Variants in VPS13D observed in about 807,000 individuals in gnomAD.
The protein encoded by VPS13D is vacuolar protein sorting 13 homolog D.
VPS13D carries 187 observed loss-of-function variants against 461.9 expected under a neutral mutation model. That is an observed-to-expected ratio of 0.40 (90% confidence interval 0.36 to 0.46). VPS13D has a LOEUF of 0.46. Among genes scored for constraint, VPS13D ranks in the 20% least tolerant of loss-of-function variants. The probability of loss-of-function intolerance (pLI) is 0.60; values close to 1 mark genes in which losing one functional copy is unlikely to be tolerated. For missense variants in VPS13D, 4,711 were observed against 5,364.9 expected, an observed-to-expected ratio of 0.88 and a Z score of 3.81; for synonymous variants, 1,951 against 1,986.3, an observed-to-expected ratio of 0.98 and a Z score of 0.47.
chr1:12,308,648 GTT>G lies in VPS13D; in HGVS notation c.6650+21_6650+22del, dbSNP rs750147071. On this transcript the variant is annotated splice_region_variant and intron_variant, in intron 27 of 69. Transcript: ENST00000620676. ...TGGAAAGGAATTTGGACAAGTGAGT[GTT>G]TTTTTTTTTTTTTGAGATGGAGTCT... The G allele has an allele frequency of 1.5e-3, 2,168 of 1,425,474 alleles. No individual in the cohort carries two copies. The highest frequency in any genetic ancestry group is 1.9e-3 in the Admixed American group (102 of 54,018). 88.3% of individuals were successfully genotyped at this position (1,425,474 alleles called of 1,614,324 possible). A position where few individuals can be genotyped will look rare whatever the true frequency, so the allele number is the denominator to read the frequency against.
rs763745934 is a variant in VPS13D at position 12,279,682 on chromosome 1, T to C, written c.4602+32T>C. On this transcript the variant is annotated intron_variant, in intron 20 of 69. Coordinates refer to ENST00000620676, the MANE Select transcript of VPS13D (RefSeq NM_015378.4). The surrounding 1 kb of genome is among the most constrained non-coding windows in gnomAD (Gnocchi z 4.3). ...TCATGTCAGGGCAGTTGAAGTCATA[T>C]GTTTATATTAGTACTCTATAAATAT... The C allele has an allele frequency of 1.3e-6, 2 of 1,585,258 alleles. No homozygotes were observed. Among genetic ancestry groups the C allele is most frequent in the East Asian group, 2.2e-5 (1 of 44,538 alleles).
At chr1:12,465,191 TTTGC>T (rs1233634037) in intron 67 of VPS13D, 12 of 152,338 alleles carry the variant, frequency 7.9e-5, no homozygotes, top group African/African-American at 2.9e-4. Flanking sequence ...GCACTATGTA[TTTGC>T]TTGTTTGTTT....
chr1:12,482,768 CA>C (rs1645739658), intron 67 of VPS13D, among the ~76,000 whole-genome samples: 1 of 148,918 alleles, frequency 6.7e-6, no homozygotes, highest in African/African-American at 2.5e-5. Context: ...ACATAGTATA[CA>C]TATATGTATA....
intron 47 of VPS13D, 129 bp from the exon 48 acceptor site, chr1:12,355,770 C>A: frequency 2.1e-6 from 2 of 943,106 alleles, no homozygotes; most frequent in Non-Finnish European, 3.0e-6. Flanking sequence ...AAGAGCCATT[C>A]TAATGAAGAT....
chr1:12,450,315 T>C (rs1332445467), intron 65 of VPS13D, among the ~76,000 whole-genome samples: 1 of 152,138 alleles, frequency 6.6e-6, no homozygotes, highest in Non-Finnish European at 1.5e-5. Context: ...CAGCCTTACT[T>C]AGAGGCACAA....
intron 63 of VPS13D, chr1:12,409,966 T>G (rs41279470): frequency 0.06 from 27,042 of 452,700 alleles, 1,087 homozygotes; most frequent in South Asian, 0.099. Context: ...GGGAGAAAGG[T>G]GAAGAAGCCA....
At chr1:12,498,407 G>A (rs1216109891) in intron 68 of VPS13D, among the ~76,000 whole-genome samples, 1 of 152,210 alleles carries the variant, frequency 6.6e-6, no homozygotes. Context: ...GACGTCAACT[G>A]TCAGGATAGT....
intron 60 of VPS13D, among the ~76,000 whole-genome samples, chr1:12,388,065 A>G (rs1644371860): frequency 6.6e-6 from 1 of 152,256 alleles, no homozygotes; most frequent in Non-Finnish European, 1.5e-5. Context: ...GGGTAAATAT[A>G]TAAGATTATT....
Position 12,276,683 on chromosome 1 carries a change from C to T in VPS13D, c.3095C>T (p.Thr1032Met), listed in dbSNP as rs764212312. The change falls in exon 19 of 70, where the codon ACG becomes ATG. Residue 1032 changes from threonine to methionine, a missense_variant. By Grantham distance (81) the Thr-to-Met change is moderately conservative. Around this residue, in one of 3 missense-constraint regions of VPS13D, gnomAD observed 4,411 missense variants for 4,937.8 expected, o/e 0.89. Transcript: ENST00000620676. The surrounding 1 kb of genome is among the most constrained non-coding windows in gnomAD (Gnocchi z 4.5). The part of the protein sequence containing the change: ...SHKNLSFDIP[T>M]GSLRDSRAQS... ...AAGAACTTGAGCTTTGATATTCCAACGGGAAGCCTTCGGGATAGCAGGGCC... is the reference window on the plus strand; with the variant it reads ...AAGAACTTGAGCTTTGATATTCCAATGGGAAGCCTTCGGGATAGCAGGGCC... 2.2e-5 allele frequency: 36 copies of T among 1,614,024 alleles called. No homozygotes were observed. Among genetic ancestry groups the T allele is most frequent in the Non-Finnish European group, 2.5e-5 (30 of 1,180,034 alleles).
In VPS13D at chr1:12,377,736, G is replaced by A. The variant is rs370062230; in HGVS notation, c.10918-692G>A. ...TCGGGAGGCTGAGGCAGGAGAATTC[G>A]CCTGAACCCAGGAGGAGAGATTGTA... is the stretch of plus-strand genomic sequence containing the variant. On this transcript the variant is annotated intron_variant, in intron 55 of 69. Transcript: ENST00000620676. Among the ~76,000 whole-genome samples the A allele has an allele frequency of 2.1e-4, 31 of 147,628 alleles. No individual in the cohort carries two copies. The East Asian group carries it at 5.4e-3, about 26-fold the overall frequency.
At chr1:12,321,746 C>G in intron 32 of VPS13D, 63 bp from the exon 33 acceptor site, 1 of 1,521,232 alleles carries the variant, frequency 6.6e-7, no homozygotes, top group Non-Finnish European at 8.8e-7. Context: ...CCTCTTTGTG[C>G]TGGTAGTTGG....
At chr1:12,501,649 A>G (rs1187905634) in intron 68 of VPS13D, among the ~76,000 whole-genome samples, 2 of 152,226 alleles carry the variant, frequency 1.3e-5, no homozygotes, top group African/African-American at 4.8e-5. Flanking sequence ...ATTGAATCCT[A>G]CTATGTGCCA....
intron 2 of VPS13D, among the ~76,000 whole-genome samples, chr1:12,240,895 C>T (rs1640332740): frequency 6.6e-6 from 1 of 151,978 alleles, no homozygotes; most frequent in Non-Finnish European, 1.5e-5. Flanking sequence ...TGTATTTGTT[C>T]AGATCCGCCA....
intron 31 of VPS13D, 28 bp downstream of exon 31, chr1:12,318,365 G>A (rs1161369647): frequency 6.3e-7 from 1 of 1,589,024 alleles, no homozygotes; most frequent in African/African-American, 1.3e-5. Context: ...TGATTCATTG[G>A]TGCTTAGTTT....
At chr1:12,230,740 G>T (rs1421528602) in intron 1 of VPS13D, among the ~76,000 whole-genome samples, 2 of 151,048 alleles carry the variant, frequency 1.3e-5, no homozygotes, top group Admixed American at 1.3e-4. Flanking sequence ...CCTAGGTGTG[G>T]GATGCCAGAC....
At chr1:12,456,327 C>T (rs976979776) in intron 66 of VPS13D, among the ~76,000 whole-genome samples, 197 bp downstream of exon 66, 1 of 151,868 alleles carries the variant, frequency 6.6e-6, no homozygotes, top group Non-Finnish European at 1.5e-5. Context: ...CACAGTGAAA[C>T]CCCGCCTCTA....
intron 1 of VPS13D, among the ~76,000 whole-genome samples, chr1:12,231,623 C>G (rs1445916464): frequency 2.6e-5 from 4 of 152,202 alleles, no homozygotes; most frequent in Admixed American, 1.3e-4. Context: ...GCTTCTTGCT[C>G]AAATTTGTTT....
chr1:12,324,189 A>G (rs1033798142), intron 35 of VPS13D, among the ~76,000 whole-genome samples: 4 of 152,172 alleles, frequency 2.6e-5, no homozygotes, highest in Admixed American at 2.6e-4. Flanking sequence ...GATGACAGGC[A>G]GCAGTCTTTA....
At chr1:12,247,220 C>T (rs971116688) in intron 5 of VPS13D, among the ~76,000 whole-genome samples, 11 of 152,026 alleles carry the variant, frequency 7.2e-5, no homozygotes, top group African/African-American at 1.7e-4. Flanking sequence ...GTCAGGAGAT[C>T]GAGACCAGCC....
Sources: gnomAD v4.1 joint callset for allele counts (sites outside exome capture counted in the v4.1 genomes callset) on GRCh38, gnomAD v4.1.1 for gene constraint, gnomAD v4.1.1 regional missense constraint, Gnocchi (gnomAD v3.1) non-coding constraint, MANE v1.5 for transcripts, NCBI Gene and HGNC (gene_info 2026-07-23, HGNC 2026-07-21) for gene names.